The following ULK2 variants were observed in gnomAD, a reference collection of about 807,000 sequenced individuals.
ULK2 encodes unc-51 like autophagy activating kinase 2.
Under a neutral mutation model 127.5 loss-of-function variants are expected in ULK2, and 76 were observed. The ratio of observed to expected loss-of-function variants is 0.60; its 90% confidence interval spans 0.50 to 0.72. ULK2 has a LOEUF of 0.72. Ranked by LOEUF, ULK2 falls within the 30% of genes least tolerant of loss-of-function variation. ULK2 has a pLI of 0.00. For synonymous variants in ULK2, 452 were observed against 461.9 expected, an observed-to-expected ratio of 0.98 and a Z score of 0.28; for missense variants, 1,144 against 1,295.9, an observed-to-expected ratio of 0.88 and a Z score of 1.80.
chr17:19,856,538 C>G (rs924464258), intron 3 of ULK2, among the ~76,000 whole-genome samples: 10 of 151,342 alleles, frequency 6.6e-5, no homozygotes, highest in Non-Finnish European at 1.3e-4. Context: ...GCCGAGATCG[C>G]GCCACTGCAC....
chr17:19,780,740 T>A, intron 24 of ULK2, 111 bp from the exon 25 acceptor site: 1 of 1,227,762 alleles, frequency 8.1e-7, no homozygotes, highest in African/African-American at 1.5e-5. Context: ...ATGTGATCAT[T>A]CAAAAAAAGG....
In ULK2 at chr17:19,840,213, C is replaced by T. The variant is rs1448363491; in HGVS notation, c.704+1276G>A. The T allele has an allele frequency of 1.0e-5, 5 of 499,452 alleles. No individual in the cohort carries two copies. The Admixed American group carries it at 1.1e-4, about 11-fold the overall frequency. The allele number at this position is 499,452 out of a possible 1,614,324, so 30.9% of individuals were successfully genotyped here. A position where few individuals can be genotyped will look rare whatever the true frequency, so the allele number is the denominator to read the frequency against. ...CGAATACAACATATCTCCGGACACC[C>T]GACGGGCGCAAGTTGAGCAGTTGGC... On this transcript the variant is annotated intron_variant, in intron 9 of 26. Transcript: ENST00000395544.
chr17:19,800,871 A>G (rs767401118), intron 16 of ULK2, among the ~76,000 whole-genome samples: 1 of 152,062 alleles, frequency 6.6e-6, no homozygotes, highest in Non-Finnish European at 1.5e-5. Flanking sequence ...TGGCTCTCTC[A>G]CACATATTTC....
chr17:19,843,031 C>T (rs2041801958), intron 8 of ULK2, 90 bp downstream of exon 8: 4 of 1,126,598 alleles, frequency 3.6e-6, no homozygotes, highest in African/African-American at 3.1e-5. Flanking sequence ...AAAAACACTG[C>T]TTTCAAAGTA....
Position 19,819,064 on chromosome 17 carries a change from G to A in ULK2, c.925-2144C>T, listed in dbSNP as rs182850329. 2.3e-3 allele frequency among the ~76,000 whole-genome samples: 356 copies of A among 152,164 alleles called. 1 individual carries two copies. The highest frequency in any genetic ancestry group is 3.6e-3 in the Non-Finnish European group (243 of 68,008). ...TCCACCCGCCTCAGCCTCCCAAAGTGCTGGGATTACAGGCATGAGCCTATA... is the reference window on the plus strand; with the variant it reads ...TCCACCCGCCTCAGCCTCCCAAAGTACTGGGATTACAGGCATGAGCCTATA... On this transcript the variant is annotated intron_variant, in intron 12 of 26. Transcript: ENST00000395544.
At chr17:19,815,863 A>T (rs942716964) in intron 13 of ULK2, among the ~76,000 whole-genome samples, 3 of 152,164 alleles carry the variant, frequency 2.0e-5, no homozygotes, top group East Asian at 3.9e-4. Flanking sequence ...AACAAAATTT[A>T]AAAAAAAGAA....
intron 3 of ULK2, among the ~76,000 whole-genome samples, chr17:19,859,009 G>A (rs1207209675): frequency 6.6e-6 from 1 of 152,158 alleles, no homozygotes; most frequent in Non-Finnish European, 1.5e-5. Context: ...ATAAAATTAG[G>A]CTGGGCATGG....
chr17:19,782,955 TA>T (rs2152382028), intron 22 of ULK2, among the ~76,000 whole-genome samples: 1 of 152,056 alleles, frequency 6.6e-6, no homozygotes, highest in Non-Finnish European at 1.5e-5. Flanking sequence ...AATAAATAAA[TA>T]AATGGGTATT....
chr17:19,842,559 C>T (rs368922160), intron 8 of ULK2, among the ~76,000 whole-genome samples: 1 of 151,952 alleles, frequency 6.6e-6, no homozygotes, highest in Non-Finnish European at 1.5e-5. Flanking sequence ...TTTTCAAATT[C>T]GAAGATCTTC....
At position 19,781,742 on chromosome 17, in the gene ULK2, T is replaced by C. The variant is rs540117704; in HGVS notation, c.2639+147A>G. The stretch of plus-strand genomic sequence containing the variant: ...CATAATCTCCAGGTCTTGGCTCATA[T>C]AGTGAAATGTAGTACAAAGAAATAA... On this transcript the variant is annotated intron_variant, in intron 23 of 26. Coordinates refer to ENST00000395544, the MANE Select transcript of ULK2 (RefSeq NM_014683.4). 7.9e-5 allele frequency: 70 copies of C among 890,338 alleles called. No individual in the cohort carries two copies. The South Asian group carries it at 1.1e-3, about 13-fold the overall frequency. The allele number at this position is 890,338 out of a possible 1,614,324, so 55.2% of individuals were successfully genotyped here. A position where few individuals can be genotyped will look rare whatever the true frequency, so the allele number is the denominator to read the frequency against.
intron 10 of ULK2, among the ~76,000 whole-genome samples, chr17:19,835,431 T>C (rs2041568796): frequency 6.6e-6 from 1 of 150,684 alleles, no homozygotes; most frequent in African/African-American, 2.4e-5. Flanking sequence ...ATGCATACTG[T>C]AGAGGCCGGG....
chr17:19,804,012 A>G (rs994010530), intron 15 of ULK2, among the ~76,000 whole-genome samples: 3 of 152,150 alleles, frequency 2.0e-5, no homozygotes, highest in African/African-American at 7.2e-5. Context: ...GCCATGCTAA[A>G]TCAAGTACCA....
At chr17:19,779,531 C>CAAAAAAAAAAAAAAAAAAAAAAAA (rs55957234) in intron 25 of ULK2, among the ~76,000 whole-genome samples, 2 of 67,998 alleles carry the variant, frequency 2.9e-5, no homozygotes, top group Non-Finnish European at 5.5e-5. Flanking sequence ...AACTCCATCT[C>CAAAAAAAAAAAAAAAAAAAAAAAA]AAAAAAAAAA....
chr17:19,782,513 T>C (rs2086941154), intron 22 of ULK2, among the ~76,000 whole-genome samples: 1 of 152,236 alleles, frequency 6.6e-6, no homozygotes, highest in African/African-American at 2.4e-5. Flanking sequence ...CGTTTTTCAG[T>C]TAACAGTGAT....
chr17:19,843,363 A>G (rs899079696), intron 7 of ULK2, 141 bp from the exon 8 acceptor site: 128 of 512,214 alleles, frequency 2.5e-4, no homozygotes, highest in Non-Finnish European at 7.8e-5. Context: ...TAATCAAATA[A>G]TAAGGCAAAG....
chr17:19,787,814 G>A lies in ULK2; in HGVS notation c.2102-1728C>T, dbSNP rs117857953. ...ATATCACTGAAAGAGGCACTGAAGAGGGTAGGAAAGGCAGTCTTGAATCAC... is the reference window on the plus strand; with the variant it reads ...ATATCACTGAAAGAGGCACTGAAGAAGGTAGGAAAGGCAGTCTTGAATCAC... On this transcript the variant is annotated intron_variant, in intron 20 of 26. Transcript: ENST00000395544. Among the ~76,000 whole-genome samples, 622 of 152,326 alleles carry A rather than the reference G, an allele frequency of 4.1e-3. 18 individuals are homozygous for A. The East Asian group carries it at 0.069, about 17-fold the overall frequency.
chr17:19,839,964 TAC>T (rs60058833), intron 9 of ULK2, among the ~76,000 whole-genome samples: 10,185 of 147,094 alleles, frequency 0.069, 517 homozygotes, highest in East Asian at 0.3. Context: ...TACACACACA[TAC>T]ACACACACAC....
intron 3 of ULK2, among the ~76,000 whole-genome samples, chr17:19,861,962 T>G (rs1220306337): frequency 1.3e-5 from 2 of 152,222 alleles, no homozygotes; most frequent in African/African-American, 2.4e-5. Context: ...AATCAAAAAT[T>G]TTAACACTGT....
rs1481248876 is a variant in ULK2, at chr17:19,858,090, T to C, written c.225+6713A>G. ...CGCCAAGAGCTCTCCCTTACAGCAC[T>C]TGGCACACTTGGAAATAGTAACTAT... On this transcript the variant is annotated intron_variant, in intron 3 of 26. Transcript: ENST00000395544. Among the ~76,000 whole-genome samples, 2 of 152,056 alleles carry C rather than the reference T, an allele frequency of 1.3e-5. 1 individual carries two copies. Among genetic ancestry groups the C allele is most frequent in the South Asian group, 4.2e-4 (2 of 4,818 alleles).
Sources: allele counts gnomAD v4.1 joint callset (sites outside exome capture counted in the v4.1 genomes callset), GRCh38; gene constraint gnomAD v4.1.1; transcripts MANE v1.5; gene names NCBI Gene and HGNC (gene_info 2026-07-23, HGNC 2026-07-21).